The following PHLPP1 variants were observed in gnomAD, a reference collection of about 807,000 sequenced individuals.
The protein encoded by PHLPP1 is PH domain and leucine rich repeat protein phosphatase 1.
PHLPP1 carries 42 observed loss-of-function variants against 117.2 expected under a neutral mutation model. The ratio of observed to expected loss-of-function variants is 0.36; its 90% CI spans 0.28 to 0.46. The LOEUF is 0.46. PHLPP1 is among the 20% of genes least tolerant of loss of function. The pLI is 1.00. For synonymous variants in PHLPP1, 1,042 were observed against 970.7 expected, an observed-to-expected ratio of 1.07 and a Z score of -1.37; for missense variants, 2,084 against 2,241.9, an observed-to-expected ratio of 0.93 and a Z score of 1.42.
intron 4 of PHLPP1, among the ~76,000 whole-genome samples, chr18:62,872,943 A>G (rs1446798853): frequency 2.1e-5 from 3 of 142,972 alleles, no homozygotes; most frequent in Non-Finnish European, 4.5e-5. Context: ...GCCGAGACTG[A>G]GCCACTGCAT....
At position 62,945,122 on chromosome 18, in the gene PHLPP1, C is replaced by T. The variant is rs537814811; in HGVS notation, c.3175C>T (p.Leu1059=). The part of the protein sequence containing the change: ...QSFPASKMAK[L]EELEEIDLSG... ...CTCTTTTTTTAGTAAAATGGCGAAA[C>T]TGGAGGAACTTGAAGAAATTGATCT... Residue 1059 remains leucine (L), a synonymous_variant, in exon 12 of 17, where the codon CTG becomes TTG. Transcript: ENST00000262719. 300 of 1,586,070 alleles carry T rather than the reference C, an allele frequency of 1.9e-4. 2 individuals carry two copies. The South Asian group carries it at 3.4e-3, about 18-fold the overall frequency.
intron 1 of PHLPP1, among the ~76,000 whole-genome samples, chr18:62,778,260 C>A (rs1294772988): frequency 7.2e-5 from 11 of 152,096 alleles, no homozygotes; most frequent in Admixed American, 7.2e-4. Flanking sequence ...GTTGAGGAAC[C>A]TTGGCAGTTA....
At chr18:62,826,815 A>T (rs71352600) in intron 1 of PHLPP1, among the ~76,000 whole-genome samples, 5,052 of 152,102 alleles carry the variant, frequency 0.033, 140 homozygotes, top group Non-Finnish European at 0.049. Flanking sequence ...AGCCTGGCCA[A>T]TATGGGGAAA....
chr18:62,847,976 T>C (rs1164051596), intron 3 of PHLPP1, among the ~76,000 whole-genome samples: 1 of 152,274 alleles, frequency 6.6e-6, no homozygotes, highest in African/African-American at 2.4e-5. Flanking sequence ...TACCAGGATC[T>C]GTGCCCTTGC....
intron 1 of PHLPP1, among the ~76,000 whole-genome samples, chr18:62,723,077 T>C (rs1437597648): frequency 1.3e-5 from 2 of 152,364 alleles, no homozygotes; most frequent in South Asian, 2.1e-4. Flanking sequence ...TGTTGTATTT[T>C]TTACATTTGA....
chr18:62,972,782 G>A, intron 15 of PHLPP1, 74 bp downstream of exon 15: 1 of 1,162,820 alleles, frequency 8.6e-7, no homozygotes, highest in South Asian at 1.5e-5. Flanking sequence ...GTTTAGAAAA[G>A]CAGGTGCCCA....
intron 1 of PHLPP1, among the ~76,000 whole-genome samples, chr18:62,774,638 C>T (rs1912894441): frequency 6.6e-6 from 1 of 152,172 alleles, no homozygotes; most frequent in Non-Finnish European, 1.5e-5. Context: ...ATTTGTAGAA[C>T]CCATTGAGAT....
At chr18:62,890,903 C>T (rs1360669376) in intron 4 of PHLPP1, among the ~76,000 whole-genome samples, 2 of 152,024 alleles carry the variant, frequency 1.3e-5, no homozygotes, top group African/African-American at 4.8e-5. Context: ...GGCCCATTCT[C>T]TCAAATGGGG....
chr18:62,895,812 C>A lies in PHLPP1; in HGVS notation c.2245C>A (p.Leu749Ile), dbSNP rs754506566. 4.3e-6 allele frequency: 7 copies of A among 1,612,464 alleles called. No homozygotes were observed. In the East Asian group the frequency reaches 1.1e-4, roughly 26 times the overall value. ...LQTFLLDGNF[L>I]QSLPAELENM... ...GACATTTTTGTTGGATGGAAACTTT[C>A]TCCAATCCCTTCCTGCTGAGTTGGA... Residue 749 changes from leucine (L) to isoleucine (I), a missense_variant, in exon 6 of 17, where the codon CTC becomes ATC. Leu to Ile is a conservative substitution (Grantham distance 5). Around this residue, in one of 2 missense-constraint regions of PHLPP1, gnomAD observed 1,365 missense variants for 1,605.9 expected, o/e 0.85. Coordinates refer to ENST00000262719, the MANE Select transcript of PHLPP1 (RefSeq NM_194449.4).
At chr18:62,835,082 T>C (rs555966152) in intron 2 of PHLPP1, among the ~76,000 whole-genome samples, 2 of 152,340 alleles carry the variant, frequency 1.3e-5, no homozygotes, top group African/African-American at 4.8e-5. Context: ...TACTGTATAG[T>C]TAATCATATA....
chr18:62,790,430 G>A (rs1380738622), intron 1 of PHLPP1, among the ~76,000 whole-genome samples: 1 of 152,060 alleles, frequency 6.6e-6, no homozygotes. Flanking sequence ...TCAAGAAAAG[G>A]TACTTGCTAT....
intron 2 of PHLPP1, among the ~76,000 whole-genome samples, chr18:62,831,994 A>T (rs1453602306): frequency 6.6e-6 from 1 of 152,224 alleles, no homozygotes; most frequent in East Asian, 1.9e-4. Flanking sequence ...CTGTGGATGG[A>T]TGGATTACTG....
chr18:62,726,583 C>CTTT (rs869190741), intron 1 of PHLPP1, among the ~76,000 whole-genome samples: 108 of 110,020 alleles, frequency 9.8e-4, no homozygotes, highest in Non-Finnish European at 1.2e-3. Flanking sequence ...CTGTTCTGTT[C>CTTT]TTTTTTTTTT....
At chr18:62,843,717 G>A (rs1915109127) in intron 3 of PHLPP1, among the ~76,000 whole-genome samples, 1 of 152,120 alleles carries the variant, frequency 6.6e-6, no homozygotes, top group African/African-American at 2.4e-5. Context: ...ATTATATACA[G>A]TGTAAAAAAC....
chr18:62,834,377 A>C (rs1352421870), intron 2 of PHLPP1, among the ~76,000 whole-genome samples: 1 of 152,140 alleles, frequency 6.6e-6, no homozygotes, highest in Non-Finnish European at 1.5e-5. Flanking sequence ...TCTTTGCTGC[A>C]GGGGACACTC....
At chr18:62,724,697 CAGTT>C (rs771580979) in intron 1 of PHLPP1, among the ~76,000 whole-genome samples, 14 of 152,252 alleles carry the variant, frequency 9.2e-5, no homozygotes, top group South Asian at 4.1e-4. Flanking sequence ...GTGCTTTACA[CAGTT>C]AGTCGTTTCT....
At chr18:62,929,360 T>G (rs1909739494) in intron 10 of PHLPP1, among the ~76,000 whole-genome samples, 1 of 152,210 alleles carries the variant, frequency 6.6e-6, no homozygotes, top group African/African-American at 2.4e-5. Context: ...AATTGTAATT[T>G]ATAAATATGT....
chr18:62,976,334 T>C (rs1911186419), intron 16 of PHLPP1, among the ~76,000 whole-genome samples: 1 of 152,036 alleles, frequency 6.6e-6, no homozygotes, highest in South Asian at 2.1e-4. Flanking sequence ...ACACAGACTG[T>C]GGTGTGTGTG....
intron 14 of PHLPP1, among the ~76,000 whole-genome samples, chr18:62,968,130 T>C (rs1910955403): frequency 6.6e-6 from 1 of 152,194 alleles, no homozygotes; most frequent in African/African-American, 2.4e-5. Flanking sequence ...GCCTAAAGTA[T>C]TATATTTCTT....
Sources: allele counts gnomAD v4.1 joint callset (sites outside exome capture counted in the v4.1 genomes callset), GRCh38; gene constraint gnomAD v4.1.1; regional missense constraint gnomAD v4.1.1; transcripts MANE v1.5; gene names NCBI Gene and HGNC (gene_info 2026-07-23, HGNC 2026-07-21).